ZC3H12B: variants seen among roughly 807,000 people sequenced by gnomAD.
The protein encoded by ZC3H12B is probable ribonuclease ZC3H12B.
Under a neutral mutation model 43.9 loss-of-function variants are expected in ZC3H12B, and 7 were observed. The ratio of observed to expected loss-of-function variants is 0.16; its 90% confidence interval spans 0.09 to 0.30. ZC3H12B has a LOEUF of 0.30. ZC3H12B is among the 10% of genes least tolerant of loss of function. ZC3H12B has a pLI of 1.00. For missense variants in ZC3H12B, 475 were observed against 670.2 expected (o/e 0.71, Z 3.22); for synonymous variants, 222 against 241.7 (o/e 0.92, Z 0.76).
At chrX:65,431,659 C>A (rs2067163342) in intron 3 of ZC3H12B, among the ~76,000 whole-genome samples, 1 of 112,485 alleles carries the variant, frequency 8.9e-6, no homozygotes, top group African/African-American at 3.2e-5. Flanking sequence ...TGGGCCACAT[C>A]TTCACATTCT....
chrX:65,268,523 G>C, the ZC3H12B span, among the ~76,000 whole-genome samples: 4 of 112,044 alleles, frequency 3.6e-5, no homozygotes, highest in African/African-American at 1.3e-4. Flanking sequence ...TGAAATATTA[G>C]CAAATCAAAT....
chrX:65,153,555 G>T, the ZC3H12B span, among the ~76,000 whole-genome samples: 1 of 111,822 alleles, frequency 8.9e-6, no homozygotes, highest in South Asian at 3.7e-4. Context: ...ATTTAGAATG[G>T]CAATTATTAA....
At chrX:65,505,242 C>A (rs901614447) in exon 5 of ZC3H12B, 2 of 112,119 alleles carry the variant, frequency 1.8e-5, no homozygotes, top group Admixed American at 1.9e-4. Context: ...GGGCCTTGGC[C>A]TTTTGTTTCT....
intron 1 of ZC3H12B, 100 bp from the exon 7 acceptor site, chrX:65,497,032 G>T (rs2068297673): frequency 6.8e-6 from 4 of 587,957 alleles, no homozygotes; most frequent in Non-Finnish European, 9.9e-6. Flanking sequence ...GAATGTAAAT[G>T]TCTATTATTA....
the ZC3H12B span, among the ~76,000 whole-genome samples, chrX:65,230,447 A>C: frequency 9.2e-6 from 1 of 109,098 alleles, no homozygotes; most frequent in Non-Finnish European, 1.9e-5. Flanking sequence ...TGACGAGTTA[A>C]TGGGTGCAGC....
At chrX:65,091,051 CT>C in the ZC3H12B span, among the ~76,000 whole-genome samples, 1 of 111,272 alleles carries the variant, frequency 9.0e-6, no homozygotes, top group African/African-American at 3.3e-5. Context: ...CTTGTACAAC[CT>C]GCACAACTGT....
the ZC3H12B span, among the ~76,000 whole-genome samples, chrX:65,196,902 G>A: frequency 1.8e-5 from 2 of 111,967 alleles, no homozygotes; most frequent in African/African-American, 6.5e-5. Context: ...TAAGCAGGCT[G>A]AATTAAAAGG....
At chrX:65,303,443 C>T in the ZC3H12B span, among the ~76,000 whole-genome samples, 1 of 111,886 alleles carries the variant, frequency 8.9e-6, no homozygotes, top group Non-Finnish European at 1.9e-5. Flanking sequence ...AAAGAAAAAC[C>T]ATCTGATCAT....
At chrX:65,398,424 C>A (rs754944911) in intron 2 of ZC3H12B, among the ~76,000 whole-genome samples, 169 bp from the exon 5 acceptor site, 23 of 111,733 alleles carry the variant, frequency 2.1e-4, no homozygotes, top group Non-Finnish European at 4.1e-4. Context: ...AATCTTGTTT[C>A]GAATTGTAAT....
chrX:65,059,939 C>A, the ZC3H12B span, among the ~76,000 whole-genome samples: 1 of 111,888 alleles, frequency 8.9e-6, no homozygotes, highest in Admixed American at 9.5e-5. Context: ...TCTTTCACTT[C>A]TTTGGTTAAT....
chrX:65,051,020 G>C, the ZC3H12B span, among the ~76,000 whole-genome samples: 4 of 111,229 alleles, frequency 3.6e-5, no homozygotes, highest in Admixed American at 3.8e-4. Context: ...GTTATTAACT[G>C]ATTTAATCTT....
At chrX:65,225,412 A>G in the ZC3H12B span, among the ~76,000 whole-genome samples, 1 of 112,197 alleles carries the variant, frequency 8.9e-6, no homozygotes, top group Admixed American at 9.4e-5. Context: ...AGATAAAACC[A>G]CAAAGACGGG....
At chrX:65,165,719 A>C in the ZC3H12B span, among the ~76,000 whole-genome samples, 2 of 112,412 alleles carry the variant, frequency 1.8e-5, no homozygotes, top group African/African-American at 6.5e-5. Context: ...AGTTGGTTCC[A>C]AGTCTTTGTT....
chrX:65,271,332 A>T, the ZC3H12B span: 1 of 112,978 alleles, frequency 8.9e-6, no homozygotes, highest in African/African-American at 3.2e-5. Context: ...TAACATATGG[A>T]AGTAAATGAC....
At chrX:65,055,957 A>T in the ZC3H12B span, among the ~76,000 whole-genome samples, 1 of 110,751 alleles carries the variant, frequency 9.0e-6, no homozygotes, top group Non-Finnish European at 1.9e-5. Context: ...TTTTTATTGC[A>T]TGTGTTTGAT....
chrX:65,460,240 T>C (rs2067716972), intron 3 of ZC3H12B, among the ~76,000 whole-genome samples: 1 of 111,843 alleles, frequency 8.9e-6, no homozygotes, highest in Non-Finnish European at 1.9e-5. Context: ...CATTCCATGC[T>C]CATGGGTAGG....
chrX:65,109,562 A>T, the ZC3H12B span, among the ~76,000 whole-genome samples: 1 of 111,954 alleles, frequency 8.9e-6, no homozygotes, highest in South Asian at 3.7e-4. Context: ...TATTCCATTT[A>T]TAGATGTACT....
chrX:65,235,952 G>A, the ZC3H12B span, among the ~76,000 whole-genome samples: 1 of 111,984 alleles, frequency 8.9e-6, no homozygotes. Context: ...TTGAGCAACA[G>A]AAGGAAAGCT....
the ZC3H12B span, among the ~76,000 whole-genome samples, chrX:65,107,556 T>C: frequency 7.2e-5 from 8 of 111,105 alleles, no homozygotes; most frequent in Non-Finnish European, 1.5e-4. Flanking sequence ...TAGCTCTGTG[T>C]CCCCACCTAA....
Sources: allele counts gnomAD v4.1 joint callset (sites outside exome capture counted in the v4.1 genomes callset), GRCh38; gene constraint gnomAD v4.1.1; transcripts MANE v1.5; gene names NCBI Gene and HGNC (gene_info 2026-07-23, HGNC 2026-07-21).